The following PIK3R3 variants were observed in gnomAD, a reference collection of about 807,000 sequenced individuals.
PIK3R3 encodes the protein phosphoinositide-3-kinase regulatory subunit 3.
Under a neutral mutation model 62.9 loss-of-function variants are expected in PIK3R3, and 64 were observed. The ratio of observed to expected loss-of-function variants is 1.02; its 90% CI spans 0.83 to 1.25. The LOEUF is 1.25. Ranked by LOEUF, PIK3R3 falls within the 50% of genes most tolerant of loss-of-function variation. The pLI is 0.00. For synonymous variants in PIK3R3, 165 were observed against 189.0 expected (o/e 0.87, Z 1.04); for missense variants, 614 against 561.6 (o/e 1.09, Z -0.94).
the PIK3R3 span, among the ~76,000 whole-genome samples, chr1:46,139,714 T>G: frequency 6.6e-6 from 1 of 152,224 alleles, no homozygotes; most frequent in Non-Finnish European, 1.5e-5. Flanking sequence ...ACACTCTTTC[T>G]CAGCTTCTTC....
the PIK3R3 span, among the ~76,000 whole-genome samples, chr1:46,161,800 G>A: frequency 6.6e-6 from 1 of 152,092 alleles, no homozygotes; most frequent in Non-Finnish European, 1.5e-5. Flanking sequence ...CATGCATAAA[G>A]ATTTTCTTCA....
At chr1:46,090,339 TA>T (rs1367771540) in intron 1 of PIK3R3, among the ~76,000 whole-genome samples, 187 of 151,958 alleles carry the variant, frequency 1.2e-3, no homozygotes, top group African/African-American at 1.6e-3. Context: ...TTTATTTATT[TA>T]TTTATTTTTT....
At chr1:46,114,771 ATT>A (rs60059325) in intron 1 of PIK3R3, among the ~76,000 whole-genome samples, 6 of 99,300 alleles carry the variant, frequency 6.0e-5, no homozygotes, top group African/African-American at 1.2e-4. Flanking sequence ...AGCCTCACTA[ATT>A]TTTTTTTTTT....
intron 3 of PIK3R3, among the ~76,000 whole-genome samples, chr1:46,067,865 C>T (rs1398737535): frequency 6.6e-6 from 1 of 152,150 alleles, no homozygotes; most frequent in Non-Finnish European, 1.5e-5. Context: ...TAAATGGACC[C>T]TTAAAAGATA....
At chr1:46,136,019 G>A (rs1463402076), upstream of PIK3R3, among the ~76,000 whole-genome samples, 3 of 121,106 alleles carry the variant, frequency 2.5e-5, no homozygotes, top group African/African-American at 9.5e-5. Context: ...AACAGGGCGA[G>A]ACTCAGTCTC....
intron 1 of PIK3R3, among the ~76,000 whole-genome samples, chr1:46,118,818 A>G (rs996697101): frequency 1.3e-5 from 2 of 151,860 alleles, no homozygotes; most frequent in Non-Finnish European, 2.9e-5. Flanking sequence ...GACCTCTCAC[A>G]GTGCTGGGAT....
chr1:46,165,450 C>A, the PIK3R3 span, among the ~76,000 whole-genome samples: 1 of 151,774 alleles, frequency 6.6e-6, no homozygotes, highest in African/African-American at 2.4e-5. Flanking sequence ...GGATTACAGG[C>A]ATGTGCCACC....
chr1:46,112,057 G>A (rs773551722), intron 1 of PIK3R3, among the ~76,000 whole-genome samples: 6 of 151,896 alleles, frequency 4.0e-5, no homozygotes, highest in Non-Finnish European at 8.8e-5. Context: ...GTCCTCCTAC[G>A]TAAAACAAGG....
At chr1:46,157,177 A>G in the PIK3R3 span, among the ~76,000 whole-genome samples, 1 of 152,210 alleles carries the variant, frequency 6.6e-6, no homozygotes. Flanking sequence ...TCTATCGCCT[A>G]GGCTGGAGTG....
At chr1:46,120,089 T>C (rs888974536) in intron 1 of PIK3R3, among the ~76,000 whole-genome samples, 2 of 152,190 alleles carry the variant, frequency 1.3e-5, no homozygotes, top group Non-Finnish European at 2.9e-5. Context: ...TTTAAGTGTA[T>C]AGTTTTGCAA....
chr1:46,163,364 G>A, the PIK3R3 span, among the ~76,000 whole-genome samples: 1 of 152,332 alleles, frequency 6.6e-6, no homozygotes, highest in East Asian at 1.9e-4. Context: ...CAGTGCAAAA[G>A]GGATGCCCCA....
At chr1:46,163,154 T>C in the PIK3R3 span, among the ~76,000 whole-genome samples, 4 of 152,242 alleles carry the variant, frequency 2.6e-5, no homozygotes, top group African/African-American at 9.6e-5. Context: ...GACATTTCTT[T>C]TATGTCTTAA....
chr1:46,132,066 G>T lies in PIK3R3; in HGVS notation c.-114C>A. 1 of 1,474,530 alleles carries T rather than the reference G, an allele frequency of 6.8e-7. No homozygotes were observed. The highest frequency in any genetic ancestry group is 1.3e-5 in the South Asian group (1 of 74,816). 91.3% of individuals were successfully genotyped at this position (1,474,530 alleles called of 1,614,324 possible). ...AAAGTTCCACACGGAAATGTACTTCGGGTTTTCCAACGGCCAGTACCAGTC... is the reference window on the plus strand; with the variant it reads ...AAAGTTCCACACGGAAATGTACTTCTGGTTTTCCAACGGCCAGTACCAGTC... On this transcript the variant is annotated 5_prime_UTR_variant, in exon 1 of 10. Coordinates refer to ENST00000262741, the MANE Select transcript of PIK3R3 (RefSeq NM_003629.4).
chr1:46,051,098 G>A (rs992744677), intron 7 of PIK3R3, among the ~76,000 whole-genome samples: 1 of 152,094 alleles, frequency 6.6e-6, no homozygotes, highest in African/African-American at 2.4e-5. Context: ...TTAAGGTGAT[G>A]AAAATGTTCT....
the PIK3R3 span, among the ~76,000 whole-genome samples, chr1:46,140,367 C>G: frequency 6.6e-6 from 1 of 151,960 alleles, no homozygotes; most frequent in Non-Finnish European, 1.5e-5. Flanking sequence ...TCTGGCCAAG[C>G]ACAGACATTG....
intron 1 of PIK3R3, among the ~76,000 whole-genome samples, chr1:46,104,493 T>C (rs1258077462): frequency 3.9e-5 from 6 of 152,210 alleles, no homozygotes; most frequent in African/African-American, 7.2e-5. Flanking sequence ...TATCAGAAAG[T>C]ATCAAATACC....
chr1:46,090,180 C>T (rs1651481506), intron 1 of PIK3R3, among the ~76,000 whole-genome samples: 2 of 152,086 alleles, frequency 1.3e-5, no homozygotes, highest in Non-Finnish European at 2.9e-5. Context: ...ACCACTTAAA[C>T]TAGATTTGGT....
In PIK3R3 at chr1:46,044,629, C is replaced by T. The variant is rs1012351693; in HGVS notation, c.1188-758G>A. Among the ~76,000 whole-genome samples the T allele has an allele frequency of 6.6e-6, 1 of 152,130 alleles. No individual in the cohort carries two copies. The highest frequency in any genetic ancestry group is 6.6e-5 in the Admixed American group (1 of 15,264). On this transcript the variant is annotated intron_variant, in intron 9 of 9. Transcript: ENST00000262741. This position sits in a 1 kb window ranked among gnomAD's most constrained non-coding sequence, Gnocchi z 4.2. ...ATCCTTGGATAACAGTAATCCAATG[C>T]ACTTTTCAACTCCTCCCCCATTTTC...
rs552852905 is a variant in PIK3R3 at position 46,044,219 on chromosome 1, G to A, written c.1188-348C>T. On this transcript the variant is annotated intron_variant, in intron 9 of 9. Coordinates refer to ENST00000262741, the MANE Select transcript of PIK3R3 (RefSeq NM_003629.4). This position sits in a 1 kb window ranked among gnomAD's most constrained non-coding sequence, Gnocchi z 4.2. ...GCTTCCCAAGTAGCCGGGACTACAG[G>A]TGTGAGCCACATGCCCAGCTACTTT... is the stretch of plus-strand genomic sequence containing the variant. Among the ~76,000 whole-genome samples, 40 of 152,118 alleles carry A rather than the reference G, an allele frequency of 2.6e-4. No homozygotes were observed. The East Asian group carries it at 6.8e-3, about 26-fold the overall frequency.
Sources: gnomAD v4.1 joint callset for allele counts (sites outside exome capture counted in the v4.1 genomes callset) on GRCh38, gnomAD v4.1.1 for gene constraint, Gnocchi (gnomAD v3.1) non-coding constraint, MANE v1.5 for transcripts, NCBI Gene and HGNC (gene_info 2026-07-23, HGNC 2026-07-21) for gene names.